CTIF: variants seen among roughly 807,000 people sequenced by gnomAD.
The protein encoded by CTIF is CBP80/20-dependent translation initiation factor.
In CTIF, 21 loss-of-function variants were observed where a neutral mutation model predicts 66.0. The ratio of observed to expected loss-of-function variants is 0.32; its 90% CI spans 0.23 to 0.46. The LOEUF is 0.46. CTIF is among the 20% of genes least tolerant of loss of function. CTIF has a pLI of 1.00. For synonymous variants in CTIF, 345 were observed against 326.4 expected (o/e 1.06, Z -0.62); for missense variants, 739 against 812.7 (o/e 0.91, Z 1.10).
At chr18:48,838,315 A>G (rs1270096571) in intron 10 of CTIF, among the ~76,000 whole-genome samples, 7 of 152,070 alleles carry the variant, frequency 4.6e-5, no homozygotes, top group Non-Finnish European at 7.4e-5. Flanking sequence ...CGAAATGCCT[A>G]TCAGAAGGCA....
At chr18:48,548,971 G>T (rs1354289231) in intron 1 of CTIF, among the ~76,000 whole-genome samples, 2 of 151,992 alleles carry the variant, frequency 1.3e-5, no homozygotes, top group East Asian at 3.9e-4. Flanking sequence ...GCAGCCAGAA[G>T]TCGGATGACT....
chr18:48,635,379 A>G (rs1339940401), intron 2 of CTIF, among the ~76,000 whole-genome samples: 2 of 129,628 alleles, frequency 1.5e-5, no homozygotes, highest in Non-Finnish European at 3.1e-5. Flanking sequence ...AGCATTGTGC[A>G]TTGGCACGAC....
intron 1 of CTIF, among the ~76,000 whole-genome samples, chr18:48,562,847 C>A (rs1483766717): frequency 6.6e-6 from 1 of 152,204 alleles, no homozygotes; most frequent in South Asian, 2.1e-4. Flanking sequence ...ATGCCCCACA[C>A]AAATATGAAA....
chr18:48,619,429 C>T (rs2090452887), intron 1 of CTIF, 109 bp from the exon 2 acceptor site: 3 of 695,890 alleles, frequency 4.3e-6, no homozygotes, highest in Non-Finnish European at 6.5e-6. Flanking sequence ...AACAGAACGC[C>T]ATGATGGATA....
At position 48,558,097 on chromosome 18, in the gene CTIF, G is replaced by A. The variant is rs560584661; in HGVS notation, c.-29+18785G>A. Among the ~76,000 whole-genome samples the A allele has an allele frequency of 4.6e-5, 7 of 152,120 alleles. No homozygotes were observed. The East Asian group carries it at 7.7e-4, about 17-fold the overall frequency. ...TCTTTTGAGATGGAGTTTCACTCTTGTTGCTCAGGCTGGAGTATATTCCCT... is the reference window on the plus strand; with the variant it reads ...TCTTTTGAGATGGAGTTTCACTCTTATTGCTCAGGCTGGAGTATATTCCCT... On this transcript the variant is annotated intron_variant, in intron 1 of 11. Transcript: ENST00000256413.
intron 1 of CTIF, among the ~76,000 whole-genome samples, chr18:48,548,589 A>T (rs1385538631): frequency 6.6e-6 from 1 of 152,248 alleles, no homozygotes; most frequent in Non-Finnish European, 1.5e-5. Flanking sequence ...GCAAGGTTGC[A>T]TCAGATGGCT....
intron 1 of CTIF, among the ~76,000 whole-genome samples, chr18:48,588,897 C>G (rs76403508): frequency 0.021 from 2,828 of 132,964 alleles, 90 homozygotes; most frequent in African/African-American, 0.08. Context: ...CTGCCACCTC[C>G]TCAGCCACAC....
intron 9 of CTIF, among the ~76,000 whole-genome samples, chr18:48,796,157 G>T (rs548246740): frequency 2.0e-5 from 3 of 151,462 alleles, no homozygotes; most frequent in African/African-American, 7.3e-5. Flanking sequence ...CACCATGCCC[G>T]GCTAATTTTT....
intron 6 of CTIF, among the ~76,000 whole-genome samples, chr18:48,690,093 C>T (rs1418355627): frequency 6.6e-6 from 1 of 152,206 alleles, no homozygotes; most frequent in African/African-American, 2.4e-5. Flanking sequence ...TAGGATTCCT[C>T]AGAGCAGGGC....
chr18:48,764,494 G>A (rs924271854), intron 9 of CTIF, among the ~76,000 whole-genome samples: 6 of 152,130 alleles, frequency 3.9e-5, no homozygotes. Context: ...GGTGCTGGAG[G>A]GCCCTCGGTC....
intron 6 of CTIF, among the ~76,000 whole-genome samples, chr18:48,709,451 A>G (rs1033467019): frequency 1.3e-5 from 2 of 152,366 alleles, no homozygotes; most frequent in African/African-American, 4.8e-5. Flanking sequence ...GAGGTAGGTT[A>G]GAGCCCAGGG....
At chr18:48,703,995 A>C (rs1043376957) in intron 6 of CTIF, among the ~76,000 whole-genome samples, 1 of 152,190 alleles carries the variant, frequency 6.6e-6, no homozygotes, top group African/African-American at 2.4e-5. Flanking sequence ...CCTGGGGGGA[A>C]GCGTAGTGGT....
intron 1 of CTIF, among the ~76,000 whole-genome samples, chr18:48,600,168 C>T (rs1398861883): frequency 6.6e-6 from 1 of 152,044 alleles, no homozygotes; most frequent in East Asian, 1.9e-4. Context: ...CCGAGGCATG[C>T]AATAGATGCG....
intron 6 of CTIF, among the ~76,000 whole-genome samples, chr18:48,684,144 A>G (rs77705133): frequency 0.02 from 3,079 of 152,306 alleles, 35 homozygotes; most frequent in Middle Eastern, 0.048. Flanking sequence ...ACGTAGTATA[A>G]TGTGGGGCCA....
chr18:48,623,843 TGAAG>T (rs1332066969), intron 2 of CTIF, among the ~76,000 whole-genome samples: 1 of 150,672 alleles, frequency 6.6e-6, no homozygotes, highest in Non-Finnish European at 1.5e-5. Flanking sequence ...TAGAAAGAAA[TGAAG>T]GATGGATGGA....
intron 6 of CTIF, among the ~76,000 whole-genome samples, chr18:48,703,342 G>A (rs989343875): frequency 5.9e-5 from 9 of 152,312 alleles, no homozygotes; most frequent in Non-Finnish European, 4.4e-5. Context: ...TGCCTGGTGA[G>A]GAGCCCGGTG....
intron 7 of CTIF, among the ~76,000 whole-genome samples, chr18:48,753,860 G>A (rs1267473417): frequency 5.3e-5 from 8 of 152,208 alleles, no homozygotes; most frequent in African/African-American, 1.2e-4. Flanking sequence ...GAGCAAAAGC[G>A]GCTCATCCCT....
rs562021859 is a variant in CTIF at position 48,619,816 on chromosome 18, G to T, written c.180+71G>T. The T allele has an allele frequency of 5.5e-5, 76 of 1,373,348 alleles. No individual in the cohort carries two copies. In the African/African-American group the frequency reaches 1.1e-3, roughly 19 times the overall value. The allele number at this position is 1,373,348 out of a possible 1,614,324, so 85.1% of individuals were successfully genotyped here. A position where few individuals can be genotyped will look rare whatever the true frequency, so the allele number is the denominator to read the frequency against. On this transcript the variant is annotated intron_variant, in intron 2 of 11. Coordinates refer to ENST00000256413, the MANE Select transcript of CTIF (RefSeq NM_014772.3). ...GGTGATGCAGGAGCCCCTAATTCTG[G>T]GCAGCATCCAGTTGCCTGACACTAG...
intron 9 of CTIF, among the ~76,000 whole-genome samples, chr18:48,789,199 G>T (rs919787722): frequency 1.3e-5 from 2 of 152,144 alleles, no homozygotes; most frequent in African/African-American, 2.4e-5. Context: ...CGGGTTTAGG[G>T]AAAGTCACTG....
Sources: allele counts gnomAD v4.1 joint callset (sites outside exome capture counted in the v4.1 genomes callset), GRCh38; gene constraint gnomAD v4.1.1; transcripts MANE v1.5; gene names NCBI Gene and HGNC (gene_info 2026-07-23, HGNC 2026-07-21).